MAFA: variants seen among roughly 807,000 people sequenced by gnomAD.
The protein encoded by MAFA is MAF bZIP transcription factor A.
For missense variants in MAFA, 547 were observed against 538.0 expected, an observed-to-expected ratio of 1.02 and a Z score of -0.16; for synonymous variants, 244 against 260.3, an observed-to-expected ratio of 0.94 and a Z score of 0.60.
Position 143,430,105 on chromosome 8 carries a change from G to C in MAFA, c.302C>G (p.Pro101Arg). 8.7e-7 allele frequency: 1 copy of C among 1,151,318 alleles called. No individual in the cohort carries two copies. The highest frequency in any genetic ancestry group is 1.1e-6 in the Non-Finnish European group (1 of 935,310). 71.3% of individuals were successfully genotyped at this position (1,151,318 alleles called of 1,614,324 possible). The change falls in exon 1 of 1, where the codon CCC becomes CGC. Residue 101 changes from proline to arginine, a missense_variant. Transcript: ENST00000333480. ...CCCCGAGGTGCCCCCGACGGCGCCG[G>C]GGCCCCCGCTCGGCGGCCCGGGGGC... is the stretch of plus-strand genomic sequence containing the variant. ...GGAPGPPSGGPGAVGGTSGKP... is the reference protein window; with the variant it reads ...GGAPGPPSGGRGAVGGTSGKP...
At position 143,430,089 on chromosome 8, in the gene MAFA, G is replaced by GC. The variant is rs1388078396; in HGVS notation, c.317dup (p.Thr107HisfsTer330). The GC allele has an allele frequency of 1.7e-6, 2 of 1,190,444 alleles. No homozygotes were observed. Among genetic ancestry groups the GC allele is most frequent in the East Asian group, 4.2e-5 (1 of 23,652 alleles). 73.7% of individuals were successfully genotyped at this position (1,190,444 alleles called of 1,614,324 possible). A position where few individuals can be genotyped will look rare whatever the true frequency, so the allele number is the denominator to read the frequency against. On this transcript the variant is annotated frameshift_variant, in exon 1 of 1. Coordinates refer to ENST00000333480, the MANE Select transcript of MAFA (RefSeq NM_201589.4). LOFTEE classifies it low-confidence loss of function (END_TRUNC). ...CCTCCAGCGCCGGCTTCCCCGAGGT[G>GC]CCCCCGACGGCGCCGGGGCCCCCGC...
Position 143,429,506 on chromosome 8 carries a change from C to T in MAFA, c.901G>A (p.Gly301Arg), listed in dbSNP as rs769710001. Reference sequence around the variant, plus strand: ...AGGTCCCGCTCTTTGGCCAGGCGCCCCACCTCCAGCTTCAGCTGCTCCACC... The same window carrying T: ...AGGTCCCGCTCTTTGGCCAGGCGCCTCACCTCCAGCTTCAGCTGCTCCACC... ...SQVEQLKLEVGRLAKERDLYK... is the reference protein window; with the variant it reads ...SQVEQLKLEVRRLAKERDLYK... The change falls in exon 1 of 1, where the codon GGG (glycine) becomes AGG (arginine). Residue 301 changes from glycine to arginine, a missense_variant. Transcript: ENST00000333480. The surrounding 1 kb of genome is among the most constrained non-coding windows in gnomAD (Gnocchi z 5.9). 3 of 1,605,338 alleles carry T rather than the reference C, an allele frequency of 1.9e-6. No individual in the cohort carries two copies. The highest frequency in any genetic ancestry group is 8.5e-7 in the Non-Finnish European group (1 of 1,179,384).
Position 143,430,669 on chromosome 8 carries a change from G to C in MAFA, c.-263C>G, listed in dbSNP as rs1368479526. Among the ~76,000 whole-genome samples the C allele has an allele frequency of 2.6e-5, 3 of 115,186 alleles. No individual in the cohort carries two copies. Among genetic ancestry groups the C allele is most frequent in the Middle Eastern group, 4.9e-3 (1 of 204 alleles). 75.6% of individuals were successfully genotyped at this position (115,186 alleles called of 152,430 possible). A position where few individuals can be genotyped will look rare whatever the true frequency, so the allele number is the denominator to read the frequency against. On this transcript the variant is annotated 5_prime_UTR_variant, in exon 1 of 1. Transcript: ENST00000333480. The stretch of plus-strand genomic sequence containing the variant: ...GCCTCCTCCCCGCGGCCGCCGCCTC[G>C]GGCTGCTCCGGGACCGCTCCCGCGC...
chr8:143,428,442 C>G lies in MAFA; in HGVS notation c.*903G>C, dbSNP rs1819481733. 1 of 152,196 alleles carries G rather than the reference C, an allele frequency of 6.6e-6. No individual in the cohort carries two copies. Among genetic ancestry groups the G allele is most frequent in the African/African-American group, 2.4e-5 (1 of 41,434 alleles). The allele number at this position is 152,196 out of a possible 1,614,324, so 9.4% of individuals were successfully genotyped here. On this transcript the variant is annotated 3_prime_UTR_variant, in exon 1 of 1. Coordinates refer to ENST00000333480, the MANE Select transcript of MAFA (RefSeq NM_201589.4). ...CCGCCCCATGCCAGAAGGCTCTGGC[C>G]CAAGCCTCCTCTTAAAAAAAAAAAT... is the stretch of plus-strand genomic sequence containing the variant.
chr8:143,429,307 G>C lies in MAFA; in HGVS notation c.*38C>G. On this transcript the variant is annotated 3_prime_UTR_variant, in exon 1 of 1. Transcript: ENST00000333480. The surrounding 1 kb of genome is among the most constrained non-coding windows in gnomAD (Gnocchi z 5.9). ...GGCCCCGAGAGGCCTGCGCGAACTT[G>C]TCCCCGGCGACGGCGGCGCGGGCTC... 7.6e-7 allele frequency: 1 copy of C among 1,309,540 alleles called. No homozygotes were observed. The highest frequency in any genetic ancestry group is 9.6e-7 in the Non-Finnish European group (1 of 1,039,572). The allele number at this position is 1,309,540 out of a possible 1,614,324, so 81.1% of individuals were successfully genotyped here.
rs1229247391 is a variant in MAFA, at chr8:143,429,938, G to T, written c.469C>A (p.Pro157Thr). The change falls in exon 1 of 1, where the codon CCG (proline) becomes ACG (threonine). Residue 157 changes from proline (P) to threonine (T), a missense_variant. Transcript: ENST00000333480. This position sits in a 1 kb window ranked among gnomAD's most constrained non-coding sequence, Gnocchi z 5.9. ...HHGAHHGAHH[P>T]AAAAAYEAFR... Reference sequence around the variant, plus strand: ...GCCTCGTAGGCTGCGGCGGCCGCCGGGTGGTGCGCGCCGTGGTGCGCGCCG... The same window carrying T: ...GCCTCGTAGGCTGCGGCGGCCGCCGTGTGGTGCGCGCCGTGGTGCGCGCCG... 20 of 1,261,608 alleles carry T rather than the reference G, an allele frequency of 1.6e-5. No individual in the cohort carries two copies. Among genetic ancestry groups the T allele is most frequent in the Non-Finnish European group, 1.9e-5 (19 of 1,006,700 alleles). The allele number at this position is 1,261,608 out of a possible 1,614,324, so 78.2% of individuals were successfully genotyped here.
rs1385726719 is a variant in MAFA, at chr8:143,429,532, T to C, written c.875A>G (p.Gln292Arg). The change falls in exon 1 of 1, where the codon CAG (glutamine) becomes CGG (arginine). Residue 292 changes from glutamine to arginine, a missense_variant. Gln to Arg is a conservative substitution (Grantham distance 43, BLOSUM62 1). Coordinates refer to ENST00000333480, the MANE Select transcript of MAFA (RefSeq NM_201589.4). This position sits in a 1 kb window ranked among gnomAD's most constrained non-coding sequence, Gnocchi z 5.9. ...LESEKCQLQS[Q>R]VEQLKLEVGR... ...CACCTCCAGCTTCAGCTGCTCCACC[T>C]GGCTCTGGAGTTGGCACTTCTCGCT... The C allele has an allele frequency of 6.2e-7, 1 of 1,605,496 alleles. No homozygotes were observed.
In MAFA at chr8:143,429,714, C is replaced by A. The variant is rs777076988; in HGVS notation, c.693G>T (p.Gln231His). 30 of 1,561,358 alleles carry A rather than the reference C, an allele frequency of 1.9e-5. No individual in the cohort carries two copies. In the Admixed American group the frequency reaches 5.1e-4, roughly 26 times the overall value. ...VRLEERFSDD[Q>H]LVSMSVRELN... Reference sequence around the variant, plus strand: ...GCTCGCGCACCGACATGGACACCAGCTGGTCGTCGGAGAAGCGCTCCTCCA... The same window carrying A: ...GCTCGCGCACCGACATGGACACCAGATGGTCGTCGGAGAAGCGCTCCTCCA... The change falls in exon 1 of 1, where the codon CAG becomes CAT. Residue 231 changes from glutamine to histidine, a missense_variant. By Grantham distance (24) the Gln-to-His change is conservative. Transcript: ENST00000333480. The surrounding 1 kb of genome is among the most constrained non-coding windows in gnomAD (Gnocchi z 5.9).
chr8:143,430,034 G>A lies in MAFA; in HGVS notation c.373C>T (p.His125Tyr). Residue 125 changes from histidine (H) to tyrosine (Y), a missense_variant, in exon 1 of 1, where the codon CAC becomes TAC. Coordinates refer to ENST00000333480, the MANE Select transcript of MAFA (RefSeq NM_201589.4). ...AGGTTGAGCGCCTCGGGGTTGAGGT[G>A]ATGCTGGTAGCCGCTCATCCAGTAC... is the stretch of plus-strand genomic sequence containing the variant. ...DLYWMSGYQH[H>Y]LNPEALNLTP... is the part of the protein sequence containing the mutation. 1.5e-6 allele frequency: 2 copies of A among 1,370,414 alleles called. No homozygotes were observed. Among genetic ancestry groups the A allele is most frequent in the Non-Finnish European group, 1.9e-6 (2 of 1,051,572 alleles). The allele number at this position is 1,370,414 out of a possible 1,614,324, so 84.9% of individuals were successfully genotyped here. A position where few individuals can be genotyped will look rare whatever the true frequency, so the allele number is the denominator to read the frequency against.
Position 143,430,680 on chromosome 8 carries a change from G to T in MAFA, c.-274C>A, listed in dbSNP as rs1362127621. Reference sequence around the variant, plus strand: ...GCGGCCGCCGCCTCGGGCTGCTCCGGGACCGCTCCCGCGCCCCACCCGCGC... The same window carrying T: ...GCGGCCGCCGCCTCGGGCTGCTCCGTGACCGCTCCCGCGCCCCACCCGCGC... On this transcript the variant is annotated 5_prime_UTR_variant, in exon 1 of 1. Coordinates refer to ENST00000333480, the MANE Select transcript of MAFA (RefSeq NM_201589.4). Among the ~76,000 whole-genome samples, 74 of 121,962 alleles carry T rather than the reference G, an allele frequency of 6.1e-4. No homozygotes were observed. The highest frequency in any genetic ancestry group is 4.5e-3 in the Middle Eastern group (1 of 222). The allele number at this position is 121,962 out of a possible 152,430, so 80.0% of individuals were successfully genotyped here. A position where few individuals can be genotyped will look rare whatever the true frequency, so the allele number is the denominator to read the frequency against.
rs749766765 is a variant in MAFA at position 143,429,980 on chromosome 8, T to C, written c.427A>G (p.Ile143Val). ...TGCGCGCCGTGGTGGCCGCTGCCGATGAGCGCCTCCACCGCGTCCTCGGGC... is the reference window on the plus strand; with the variant it reads ...TGCGCGCCGTGGTGGCCGCTGCCGACGAGCGCCTCCACCGCGTCCTCGGGC... The part of the protein sequence containing the change: ...LTPEDAVEAL[I>V]GSGHHGAHHG... Residue 143 changes from isoleucine to valine, a missense_variant, in exon 1 of 1, where the codon ATC becomes GTC. Ile to Val is a conservative substitution (Grantham distance 29). Coordinates refer to ENST00000333480, the MANE Select transcript of MAFA (RefSeq NM_201589.4). This position sits in a 1 kb window ranked among gnomAD's most constrained non-coding sequence, Gnocchi z 5.9. The C allele has an allele frequency of 3.8e-6, 5 of 1,312,410 alleles. No individual in the cohort carries two copies. Among genetic ancestry groups the C allele is most frequent in the Non-Finnish European group, 4.9e-6 (5 of 1,026,702 alleles). 81.3% of individuals were successfully genotyped at this position (1,312,410 alleles called of 1,614,324 possible). A position where few individuals can be genotyped will look rare whatever the true frequency, so the allele number is the denominator to read the frequency against.
Position 143,430,160 on chromosome 8 carries a change from C to T in MAFA, c.247G>A (p.Gly83Ser). 1 of 1,107,392 alleles carries T rather than the reference C, an allele frequency of 9.0e-7. No individual in the cohort carries two copies. The highest frequency in any genetic ancestry group is 1.1e-6 in the Non-Finnish European group (1 of 912,386). The allele number at this position is 1,107,392 out of a possible 1,614,324, so 68.6% of individuals were successfully genotyped here. A position where few individuals can be genotyped will look rare whatever the true frequency, so the allele number is the denominator to read the frequency against. Residue 83 changes from glycine to serine, a missense_variant, in exon 1 of 1, where the codon GGC becomes AGC. Physicochemically the swap from Gly to Ser is moderately conservative, Grantham distance 56 (BLOSUM62 0). Transcript: ENST00000333480. ...CCGGCCTGAGACGAGCCGCCGCCGCCCCCCGCGCCGCCGCCGCCGCCGGTG... is the reference window on the plus strand; with the variant it reads ...CCGGCCTGAGACGAGCCGCCGCCGCTCCCCGCGCCGCCGCCGCCGCCGGTG... ...PGTGGGGGAG[G>S]GGGSSQAGGA...
chr8:143,430,383 G>A lies in MAFA; in HGVS notation c.24C>T (p.Gly8=). The stretch of plus-strand genomic sequence containing the variant: ...CCAGCGGGCTGCTGGGCAGCTCGGC[G>A]CCCATCGCCAGCTCCGCGGCCATCG... The part of the protein sequence containing the change: MAAELAM[G]AELPSSPLAI... Residue 8 remains glycine, a synonymous_variant, in exon 1 of 1, where the codon GGC becomes GGT. Coordinates refer to ENST00000333480, the MANE Select transcript of MAFA (RefSeq NM_201589.4). 4 of 1,394,544 alleles carry A rather than the reference G, an allele frequency of 2.9e-6. No individual in the cohort carries two copies. The Middle Eastern group carries it at 6.2e-4, about 215-fold the overall frequency. 86.4% of individuals were successfully genotyped at this position (1,394,544 alleles called of 1,614,324 possible).
Position 143,429,975 on chromosome 8 carries a change from G to C in MAFA, c.432C>G (p.Gly144=). The C allele has an allele frequency of 7.6e-7, 1 of 1,307,380 alleles. No individual in the cohort carries two copies. The highest frequency in any genetic ancestry group is 9.8e-7 in the Non-Finnish European group (1 of 1,024,104). 81.0% of individuals were successfully genotyped at this position (1,307,380 alleles called of 1,614,324 possible). A position where few individuals can be genotyped will look rare whatever the true frequency, so the allele number is the denominator to read the frequency against. ...CGTGGTGCGCGCCGTGGTGGCCGCT[G>C]CCGATGAGCGCCTCCACCGCGTCCT... ...TPEDAVEALI[G]SGHHGAHHGA... The change falls in exon 1 of 1, where the codon GGC becomes GGG. Residue 144 remains glycine (G), a synonymous_variant. Transcript: ENST00000333480. The surrounding 1 kb of genome is among the most constrained non-coding windows in gnomAD (Gnocchi z 5.9).
At position 143,430,497 on chromosome 8, in the gene MAFA, C is replaced by T. The variant is rs1027341491; in HGVS notation, c.-91G>A. The T allele has an allele frequency of 1.3e-5, 3 of 232,590 alleles. No individual in the cohort carries two copies. The highest frequency in any genetic ancestry group is 1.9e-5 in the Non-Finnish European group (3 of 159,410). The allele number at this position is 232,590 out of a possible 1,614,324, so 14.4% of individuals were successfully genotyped here. A position where few individuals can be genotyped will look rare whatever the true frequency, so the allele number is the denominator to read the frequency against. On this transcript the variant is annotated 5_prime_UTR_variant, in exon 1 of 1. Coordinates refer to ENST00000333480, the MANE Select transcript of MAFA (RefSeq NM_201589.4). The stretch of plus-strand genomic sequence containing the variant: ...CTCTCCCCCCCCTGCTCCCCGCGGG[C>T]GGCGGTCCCGGCGGGGGCGGGGGGG...
Position 143,430,630 on chromosome 8 carries a change from G to C in MAFA, c.-224C>G, listed in dbSNP as rs1221942174. On this transcript the variant is annotated 5_prime_UTR_variant, in exon 1 of 1. Coordinates refer to ENST00000333480, the MANE Select transcript of MAFA (RefSeq NM_201589.4). ...CTGGCCAGGTGTCTCGGGCGACCCC[G>C]GGCCCGCGTCGCCGCCTCCTCCCCG... Among the ~76,000 whole-genome samples, 4 of 116,946 alleles carry C rather than the reference G, an allele frequency of 3.4e-5. No individual in the cohort carries two copies. The highest frequency in any genetic ancestry group is 1.1e-4 in the African/African-American group (4 of 37,004). The allele number at this position is 116,946 out of a possible 152,430, so 76.7% of individuals were successfully genotyped here.
Position 143,429,871 on chromosome 8 carries a change from T to C in MAFA, c.536A>G (p.Asp179Gly). The change falls in exon 1 of 1, where the codon GAC becomes GGC. Residue 179 changes from aspartate (D) to glycine (G), a missense_variant. Transcript: ENST00000333480. This position sits in a 1 kb window ranked among gnomAD's most constrained non-coding sequence, Gnocchi z 5.9. ...GCCGTGGTGGTGGCCGGCGCCCATG[T>C]CGTCCGCTCCGCCGCCGCCCGCGAA... is the stretch of plus-strand genomic sequence containing the variant. ...PGFAGGGGAD[D>G]MGAGHHHGAH... The C allele has an allele frequency of 7.5e-7, 1 of 1,326,010 alleles. No homozygotes were observed. Among genetic ancestry groups the C allele is most frequent in the Non-Finnish European group, 9.6e-7 (1 of 1,046,778 alleles). 82.1% of individuals were successfully genotyped at this position (1,326,010 alleles called of 1,614,324 possible).
chr8:143,429,308 T>C lies in MAFA; in HGVS notation c.*37A>G. 7.6e-7 allele frequency: 1 copy of C among 1,309,082 alleles called. No individual in the cohort carries two copies. Among genetic ancestry groups the C allele is most frequent in the East Asian group, 3.2e-5 (1 of 30,816 alleles). 81.1% of individuals were successfully genotyped at this position (1,309,082 alleles called of 1,614,324 possible). A position where few individuals can be genotyped will look rare whatever the true frequency, so the allele number is the denominator to read the frequency against. ...GCCCCGAGAGGCCTGCGCGAACTTG[T>C]CCCCGGCGACGGCGGCGCGGGCTCG... On this transcript the variant is annotated 3_prime_UTR_variant, in exon 1 of 1. Transcript: ENST00000333480. This position sits in a 1 kb window ranked among gnomAD's most constrained non-coding sequence, Gnocchi z 5.9.
At position 143,429,165 on chromosome 8, in the gene MAFA, C is replaced by T. The variant is rs1819492303; in HGVS notation, c.*180G>A. 2.8e-6 allele frequency: 2 copies of T among 723,202 alleles called. No homozygotes were observed. Among genetic ancestry groups the T allele is most frequent in the Non-Finnish European group, 3.7e-6 (2 of 534,104 alleles). The allele number at this position is 723,202 out of a possible 1,614,324, so 44.8% of individuals were successfully genotyped here. ...GGACGGCGACCCGGGCCGACGCGCG[C>T]GAACGGGGACCGGGAGCGAAGGGGC... On this transcript the variant is annotated 3_prime_UTR_variant, in exon 1 of 1. Coordinates refer to ENST00000333480, the MANE Select transcript of MAFA (RefSeq NM_201589.4). The surrounding 1 kb of genome is among the most constrained non-coding windows in gnomAD (Gnocchi z 5.9).
Sources: gnomAD v4.1 joint callset for allele counts (sites outside exome capture counted in the v4.1 genomes callset) on GRCh38, gnomAD v4.1.1 for gene constraint, Gnocchi (gnomAD v3.1) non-coding constraint, MANE v1.5 for transcripts, NCBI Gene and HGNC (gene_info 2026-07-23, HGNC 2026-07-21) for gene names.